Variants in SORCS1 observed in about 807,000 individuals in gnomAD.
SORCS1 encodes the protein sortilin related VPS10 domain containing receptor 1, also known as VPS10 domain-containing receptor SorCS1.
A neutral mutation model predicts 146.1 loss-of-function variants in SORCS1; 60 were observed. That is an observed-to-expected ratio of 0.41 (90% confidence interval 0.33 to 0.51). The LOEUF is 0.51. Among genes scored for constraint, SORCS1 ranks in the 20% least tolerant of loss-of-function variants. The pLI, the probability that SORCS1 is intolerant of heterozygous loss-of-function variation, is 0.21. For synonymous variants in SORCS1, 637 were observed against 584.0 expected (o/e 1.09, Z -1.31); for missense variants, 1,352 against 1,487.6 (o/e 0.91, Z 1.50).
chr10:107,024,355 G>C (rs1037266458), intron 1 of SORCS1, among the ~76,000 whole-genome samples: 1 of 151,996 alleles, frequency 6.6e-6, no homozygotes, highest in Non-Finnish European at 1.5e-5. Context: ...GAGAGAGTGA[G>C]AAGAGAGTTA....
chr10:106,628,958 C>T (rs528741493), intron 19 of SORCS1, among the ~76,000 whole-genome samples: 34 of 152,166 alleles, frequency 2.2e-4, no homozygotes, highest in African/African-American at 7.2e-4. Context: ...TCAAGGCACC[C>T]GGGGTAAGCA....
In SORCS1 at chr10:106,577,359, C is replaced by G. The variant is rs974833169; in HGVS notation, c.*61G>C. ...GTTAGTGGTCATGAAGGATGATGTA[C>G]TTGACAAGAGCGAAATTCTTTCCTG... On this transcript the variant is annotated 3_prime_UTR_variant, in exon 26 of 26. Transcript: ENST00000263054. 3 of 1,612,480 alleles carry G rather than the reference C, an allele frequency of 1.9e-6. No homozygotes were observed. In the African/African-American group the frequency reaches 4.0e-5, roughly 22 times the overall value.
chr10:107,104,874 C>T (rs565025492), intron 1 of SORCS1, among the ~76,000 whole-genome samples: 1 of 152,202 alleles, frequency 6.6e-6, no homozygotes, highest in South Asian at 2.1e-4. Flanking sequence ...AAAGAGCTGG[C>T]AAGTGTGAAA....
At position 106,657,182 on chromosome 10, in the gene SORCS1, T is replaced by C. The variant is rs1013401634; in HGVS notation, c.2304-4629A>G. 1.1e-4 allele frequency among the ~76,000 whole-genome samples: 16 copies of C among 152,144 alleles called. 1 individual carries two copies. The highest frequency in any genetic ancestry group is 3.9e-4 in the African/African-American group (16 of 41,420). The stretch of plus-strand genomic sequence containing the variant: ...ATGCTTATCACAGCACAATTCACAA[T>C]TGCAAAGATATGGAACCAACTTAAG... On this transcript the variant is annotated intron_variant, in intron 17 of 25. Transcript: ENST00000263054.
intron 1 of SORCS1, among the ~76,000 whole-genome samples, chr10:106,961,613 T>A (rs1246618625): frequency 6.6e-6 from 1 of 152,208 alleles, no homozygotes; most frequent in African/African-American, 2.4e-5. Context: ...TTCCTGGTCC[T>A]GGCAGGGTGA....
At chr10:107,114,860 A>G (rs2134483432) in intron 1 of SORCS1, among the ~76,000 whole-genome samples, 1 of 152,268 alleles carries the variant, frequency 6.6e-6, no homozygotes, top group East Asian at 1.9e-4. Flanking sequence ...AAACTTAAAC[A>G]TTCTACCAAA....
chr10:107,131,097 T>G (rs1263935002), intron 1 of SORCS1, among the ~76,000 whole-genome samples: 1 of 152,234 alleles, frequency 6.6e-6, no homozygotes, highest in Non-Finnish European at 1.5e-5. Context: ...CACGTGTAGG[T>G]GTCCAGGTCC....
chr10:106,829,791 T>A, intron 2 of SORCS1, 118 bp from the exon 3 acceptor site: 1 of 621,422 alleles, frequency 1.6e-6, no homozygotes, highest in Non-Finnish European at 2.8e-6. Context: ...ATGATTCATG[T>A]AGTATATAAT....
rs1355310245 is a variant in SORCS1, at chr10:106,706,530, T to C, written c.1233+15A>G. 2 of 1,612,980 alleles carry C rather than the reference T, an allele frequency of 1.2e-6. No homozygotes were observed. Among genetic ancestry groups the C allele is most frequent in the South Asian group, 2.2e-5 (2 of 91,030 alleles). On this transcript the variant is annotated intron_variant, in intron 8 of 25. Transcript: ENST00000263054. ...AGAGTCAAGAGTGAAATGAAGAAAGTGATTTAGGCCATACCTTGGGCAAAG... is the reference window on the plus strand; with the variant it reads ...AGAGTCAAGAGTGAAATGAAGAAAGCGATTTAGGCCATACCTTGGGCAAAG...
intron 1 of SORCS1, among the ~76,000 whole-genome samples, chr10:107,002,390 A>T (rs1348736056): frequency 6.6e-6 from 1 of 152,174 alleles, no homozygotes; most frequent in Non-Finnish European, 1.5e-5. Flanking sequence ...TCAGACCAGG[A>T]GCCTGGGAAA....
intron 1 of SORCS1, among the ~76,000 whole-genome samples, chr10:106,978,832 T>C (rs1294645168): frequency 1.3e-5 from 2 of 152,126 alleles, no homozygotes; most frequent in Non-Finnish European, 2.9e-5. Flanking sequence ...GTAAGTATTT[T>C]TGGTTTGTGG....
At chr10:106,620,153 A>G in intron 20 of SORCS1, 1 of 289,994 alleles carries the variant, frequency 3.4e-6, no homozygotes, top group African/African-American at 2.2e-5. Context: ...CTGCTAAGCT[A>G]GGGCTGCTAA....
chr10:106,975,228 G>A (rs1955942860), intron 1 of SORCS1, among the ~76,000 whole-genome samples: 1 of 152,194 alleles, frequency 6.6e-6, no homozygotes, highest in South Asian at 2.1e-4. Flanking sequence ...TGGTTTAAAT[G>A]AGAACAAACT....
chr10:106,810,796 T>C (rs1437061252), intron 3 of SORCS1, among the ~76,000 whole-genome samples: 3 of 152,164 alleles, frequency 2.0e-5, no homozygotes, highest in Non-Finnish European at 4.4e-5. Context: ...CCCATTTCCT[T>C]AAATTTCAAA....
intron 2 of SORCS1, among the ~76,000 whole-genome samples, chr10:106,886,038 G>T (rs1378455517): frequency 6.6e-6 from 1 of 152,122 alleles, no homozygotes; most frequent in East Asian, 1.9e-4. Flanking sequence ...AAGGTGAGCG[G>T]ATCACCTGAG....
intron 1 of SORCS1, among the ~76,000 whole-genome samples, chr10:107,099,592 C>T (rs1261115269): frequency 6.6e-6 from 1 of 152,178 alleles, no homozygotes; most frequent in African/African-American, 2.4e-5. Context: ...TGGCTAGTGG[C>T]TACAATATTG....
chr10:106,577,662 T>C, intron 25 of SORCS1, 107 bp from the exon 26 acceptor site: 1 of 1,529,060 alleles, frequency 6.5e-7, no homozygotes, highest in Non-Finnish European at 8.7e-7. Context: ...GAGGAATTAC[T>C]ACTTTAATAA....
chr10:106,875,648 T>C (rs1462447053), intron 2 of SORCS1, among the ~76,000 whole-genome samples: 1 of 152,216 alleles, frequency 6.6e-6, no homozygotes, highest in Admixed American at 6.5e-5. Context: ...TTTTTAATAA[T>C]GGCCATTGTT....
intron 1 of SORCS1, among the ~76,000 whole-genome samples, chr10:107,017,690 C>G (rs1156391615): frequency 2.6e-5 from 4 of 152,216 alleles, no homozygotes; most frequent in African/African-American, 4.8e-5. Context: ...GCGTCTCACT[C>G]TGTCACCCAG....
Sources: gnomAD v4.1 joint callset for allele counts (sites outside exome capture counted in the v4.1 genomes callset) on GRCh38, gnomAD v4.1.1 for gene constraint, MANE v1.5 for transcripts, NCBI Gene and HGNC (gene_info 2026-07-23, HGNC 2026-07-21) for gene names.